Variants in REV3L observed in about 807,000 individuals in gnomAD.
REV3L encodes the protein REV3 like, DNA directed polymerase zeta catalytic subunit, also known as DNA polymerase zeta catalytic subunit.
REV3L carries 69 observed loss-of-function variants against 299.4 expected under a neutral mutation model. The ratio of observed to expected loss-of-function variants is 0.23; its 90% CI spans 0.19 to 0.28. The LOEUF (loss-of-function observed/expected upper bound fraction) is 0.28. REV3L is among the 10% of genes least tolerant of loss of function. The probability of loss-of-function intolerance (pLI) is 1.00; values close to 1 mark genes in which losing one functional copy is unlikely to be tolerated. For synonymous variants in REV3L, 1,238 were observed against 1,271.4 expected, an observed-to-expected ratio of 0.97 and a Z score of 0.56; for missense variants, 3,128 against 3,693.8, an observed-to-expected ratio of 0.85 and a Z score of 3.97.
chr6:111,307,502 A>G lies in REV3L; in HGVS notation c.9111T>C (p.Phe3037=). Residue 3037 remains phenylalanine (F), a synonymous_variant, in exon 31 of 32, where the codon TTT becomes TTC. Transcript: ENST00000368802. ...CACACACAGGACAGTGTAAGGTAGT[A>G]AAATATTGTGAAATAGTGCCTTTCC... ...EGRKGTISQY[F]TTLHCPVCDD... 6.2e-7 allele frequency: 1 copy of G among 1,614,214 alleles called. No individual in the cohort carries two copies.
At chr6:111,396,394 A>G (rs1335649562) in intron 4 of REV3L, among the ~76,000 whole-genome samples, 1 of 149,964 alleles carries the variant, frequency 6.7e-6, no homozygotes, top group Non-Finnish European at 1.5e-5. Context: ...TCGATTTGTT[A>G]GTATTTTGTT....
At position 111,375,333 on chromosome 6, in the gene REV3L, C is replaced by G; in HGVS notation, c.3022G>C (p.Glu1008Gln). Residue 1008 changes from glutamate to glutamine, a missense_variant, in exon 13 of 32, where the codon GAA becomes CAA. Glu to Gln is a conservative substitution (Grantham distance 29). Transcript: ENST00000368802. ...DSKEKQVILT[E>Q]EKMELYKKLA... is the part of the protein sequence containing the mutation. The stretch of plus-strand genomic sequence containing the variant: ...TTTTTATATAGTTCCATTTTTTCTT[C>G]TGTTAATATTACTTGTTTTTCTTTA... The G allele has an allele frequency of 6.3e-7, 1 of 1,580,282 alleles. No individual in the cohort carries two copies. Among genetic ancestry groups the G allele is most frequent in the Non-Finnish European group, 8.5e-7 (1 of 1,171,396 alleles).
chr6:111,373,245 A>G lies in REV3L; in HGVS notation c.5110T>C (p.Cys1704Arg), dbSNP rs1582737402. The change falls in exon 13 of 32, where the codon TGT (cysteine) becomes CGT (arginine). Residue 1704 changes from cysteine (C) to arginine (R), a missense_variant. By Grantham distance (180) the Cys-to-Arg change is radical. Transcript: ENST00000368802. ...GTGGTATGATGCTTGTCTTCATCAC[A>G]TTTCTGGTTGTCATGACTTAAAAAC... ...NEFLSHDNQK[C>R]DEDKHHTTDS... The G allele has an allele frequency of 3.7e-6, 6 of 1,614,068 alleles. No homozygotes were observed. Among genetic ancestry groups the G allele is most frequent in the Non-Finnish European group, 5.1e-6 (6 of 1,180,004 alleles).
rs1228977074 is a variant in REV3L, at chr6:111,431,040, C to CAGTGTTATATTTGAAT, written c.140-14569_140-14568insATTCAAATATAACACT. ...CAGTGTTATATTTGAATTATGGGCC[C>CAGTGTTATATTTGAAT]TACAGTTCTTATGCACCGCATTATG... On this transcript the variant is annotated intron_variant, in intron 1 of 31. Coordinates refer to ENST00000368802, the MANE Select transcript of REV3L (RefSeq NM_001372078.1). 23 of 1,545,548 alleles carry CAGTGTTATATTTGAAT rather than the reference C, an allele frequency of 1.5e-5. No homozygotes were observed. In the Admixed American group the frequency reaches 3.2e-4, roughly 22 times the overall value.
intron 23 of REV3L, 96 bp downstream of exon 23, chr6:111,333,027 A>T: frequency 1.4e-6 from 2 of 1,397,466 alleles, no homozygotes; most frequent in Non-Finnish European, 2.0e-6. Flanking sequence ...GCTCATAGGG[A>T]AGGTGTCCAG....
intron 9 of REV3L, among the ~76,000 whole-genome samples, chr6:111,384,184 T>G (rs1437212341): frequency 6.6e-6 from 1 of 152,160 alleles, no homozygotes; most frequent in African/African-American, 2.4e-5. Flanking sequence ...TCTAGAATAT[T>G]GGTCTGAGCA....
intron 1 of REV3L, among the ~76,000 whole-genome samples, chr6:111,447,089 T>C (rs1023597429): frequency 2.0e-5 from 3 of 152,178 alleles, no homozygotes; most frequent in Non-Finnish European, 2.9e-5. Context: ...TTTTCAACTA[T>C]ACCTACCATC....
Position 111,373,831 on chromosome 6 carries a change from C to A in REV3L, c.4524G>T (p.Gln1508His), listed in dbSNP as rs1780033678. Residue 1508 changes from glutamine to histidine, a missense_variant, in exon 13 of 32, where the codon CAG becomes CAT. Around this residue, in one of 9 missense-constraint regions of REV3L, gnomAD observed 2,409 missense variants for 2,611.8 expected, o/e 0.92. Transcript: ENST00000368802. Reference sequence around the variant, plus strand: ...GTGTTGACACATTTCGATTTTTACACTGAGAAAGTGCTTTGGTTTGTGAAA... The same window carrying A: ...GTGTTGACACATTTCGATTTTTACAATGAGAAAGTGCTTTGGTTTGTGAAA... ...EAISQTKALS[Q>H]CKNRNVSTPS... 1 of 1,614,142 alleles carries A rather than the reference C, an allele frequency of 6.2e-7. No homozygotes were observed. Among genetic ancestry groups the A allele is most frequent in the Admixed American group, 1.7e-5 (1 of 60,024 alleles).
At chr6:111,345,046 T>C (rs1335408929) in intron 20 of REV3L, among the ~76,000 whole-genome samples, 1 of 152,068 alleles carries the variant, frequency 6.6e-6, no homozygotes, top group East Asian at 1.9e-4. Context: ...CCCTCATAGG[T>C]TGTAAAAAGG....
intron 4 of REV3L, among the ~76,000 whole-genome samples, chr6:111,400,159 G>A (rs79047923): frequency 2.6e-5 from 4 of 152,048 alleles, no homozygotes; most frequent in East Asian, 1.9e-4. Flanking sequence ...GGACATCTCG[G>A]TTGCTTTACA....
At chr6:111,333,727 C>T (rs1486031420) in intron 22 of REV3L, among the ~76,000 whole-genome samples, 1 of 152,066 alleles carries the variant, frequency 6.6e-6, no homozygotes, top group Non-Finnish European at 1.5e-5. Flanking sequence ...CCGCCCACCT[C>T]AGCCTCCCAA....
At chr6:111,415,835 T>C (rs908180733) in intron 2 of REV3L, among the ~76,000 whole-genome samples, 4 of 152,140 alleles carry the variant, frequency 2.6e-5, no homozygotes. Context: ...ATAGATTCTT[T>C]CCTTCCACAC....
intron 1 of REV3L, chr6:111,471,980 C>A: frequency 6.3e-6 from 7 of 1,118,586 alleles, no homozygotes; most frequent in Non-Finnish European, 7.9e-6. Flanking sequence ...ACCCCCCTCA[C>A]CCCCAATATA....
intron 26 of REV3L, 137 bp downstream of exon 26, chr6:111,322,432 G>T: frequency 1.5e-6 from 1 of 668,140 alleles, no homozygotes; most frequent in South Asian, 1.8e-5. Context: ...TGTTAACTCT[G>T]ATCATGAGAT....
intron 22 of REV3L, among the ~76,000 whole-genome samples, chr6:111,335,082 C>T (rs1197358140): frequency 1.3e-5 from 2 of 151,824 alleles, no homozygotes; most frequent in African/African-American, 2.4e-5. Context: ...GTTACATAGT[C>T]CACTTATATT....
chr6:111,318,955 T>C (rs1221464159), intron 26 of REV3L, among the ~76,000 whole-genome samples: 1 of 152,132 alleles, frequency 6.6e-6, no homozygotes, highest in African/African-American at 2.4e-5. Flanking sequence ...TAAGTGGTTG[T>C]CTAGGGCATG....
At chr6:111,334,123 G>A (rs1390885484) in intron 22 of REV3L, among the ~76,000 whole-genome samples, 1 of 152,076 alleles carries the variant, frequency 6.6e-6, no homozygotes, top group Non-Finnish European at 1.5e-5. Context: ...ATTTTTAGTA[G>A]AGATGGGGTT....
At chr6:111,396,516 G>A (rs1445230302) in intron 4 of REV3L, among the ~76,000 whole-genome samples, 1 of 151,976 alleles carries the variant, frequency 6.6e-6, no homozygotes, top group African/African-American at 2.4e-5. Context: ...GAATGAGTTA[G>A]GAAGAATTTC....
chr6:111,481,213 C>T (rs1229925808), intron 1 of REV3L, among the ~76,000 whole-genome samples: 3 of 152,148 alleles, frequency 2.0e-5, no homozygotes, highest in Admixed American at 1.3e-4. Context: ...TTTGGCTGAA[C>T]AGGGCCATAT....
Sources: allele counts gnomAD v4.1 joint callset (sites outside exome capture counted in the v4.1 genomes callset), GRCh38; gene constraint gnomAD v4.1.1; regional missense constraint gnomAD v4.1.1; transcripts MANE v1.5; gene names NCBI Gene and HGNC (gene_info 2026-07-23, HGNC 2026-07-21).